NPFFR2: variants seen among roughly 807,000 people sequenced by gnomAD.
NPFFR2 encodes the protein G-protein coupled receptor 74.
A neutral mutation model predicts 13.1 loss-of-function variants in NPFFR2; 15 were observed. The ratio of observed to expected loss-of-function variants is 1.15; its 90% CI spans 0.77 to 1.76. The LOEUF (loss-of-function observed/expected upper bound fraction) is 1.76. Ranked by LOEUF, NPFFR2 falls within the 40% of genes most tolerant of loss-of-function variation. The pLI is 0.00. For missense variants in NPFFR2, 572 were observed against 503.5 expected (o/e 1.14, Z -1.30); for synonymous variants, 190 against 175.7 (o/e 1.08, Z -0.65).
chr4:72,110,524 C>A (rs191420103), intron 1 of NPFFR2, among the ~76,000 whole-genome samples: 11 of 152,050 alleles, frequency 7.2e-5, no homozygotes, highest in African/African-American at 2.4e-4. Context: ...GCTGTTTGAT[C>A]CCTATATGAA....
At chr4:72,087,685 G>C (rs1720807176) in intron 1 of NPFFR2, among the ~76,000 whole-genome samples, 1 of 152,022 alleles carries the variant, frequency 6.6e-6, no homozygotes. Flanking sequence ...AGATAAGGCT[G>C]AAGATAAAGG....
intron 1 of NPFFR2, among the ~76,000 whole-genome samples, chr4:72,105,869 C>T (rs1297001289): frequency 6.6e-6 from 1 of 151,978 alleles, no homozygotes; most frequent in African/African-American, 2.4e-5. Flanking sequence ...GGTTTATCCT[C>T]CTAATAATTA....
intron 1 of NPFFR2, among the ~76,000 whole-genome samples, chr4:72,073,483 G>A (rs1720326200): frequency 6.6e-6 from 1 of 151,868 alleles, no homozygotes; most frequent in Admixed American, 6.6e-5. Context: ...TCTCAATAAA[G>A]GTGAATACAT....
chr4:72,043,943 A>C (rs1180489975), intron 1 of NPFFR2, among the ~76,000 whole-genome samples: 1 of 152,122 alleles, frequency 6.6e-6, no homozygotes, highest in East Asian at 1.9e-4. Context: ...CTCATCTTGA[A>C]TTGTAGTTCC....
At chr4:72,117,573 C>T (rs957679669) in intron 1 of NPFFR2, among the ~76,000 whole-genome samples, 8 of 151,420 alleles carry the variant, frequency 5.3e-5, no homozygotes, top group African/African-American at 1.7e-4. Context: ...CTCATTACCA[C>T]GAAAGCTGCG....
At chr4:72,067,097 C>A (rs1264186813) in intron 1 of NPFFR2, among the ~76,000 whole-genome samples, 1 of 151,936 alleles carries the variant, frequency 6.6e-6, no homozygotes, top group Admixed American at 6.5e-5. Context: ...CCTTTGAAAT[C>A]TTGGTGGAGG....
intron 3 of NPFFR2, among the ~76,000 whole-genome samples, chr4:72,144,005 C>A (rs1034017810): frequency 1.3e-5 from 2 of 152,072 alleles, no homozygotes; most frequent in Non-Finnish European, 2.9e-5. Flanking sequence ...AATGAACCAC[C>A]CCCAAATCAA....
At chr4:72,090,575 C>G (rs935957334) in intron 1 of NPFFR2, among the ~76,000 whole-genome samples, 2 of 151,446 alleles carry the variant, frequency 1.3e-5, no homozygotes, top group Non-Finnish European at 3.0e-5. Flanking sequence ...ATTTTATTTC[C>G]TTTCTCTGCA....
intron 1 of NPFFR2, among the ~76,000 whole-genome samples, chr4:72,117,117 C>T (rs1721736622): frequency 6.6e-6 from 1 of 152,068 alleles, no homozygotes; most frequent in Non-Finnish European, 1.5e-5. Context: ...AGTTCTATGC[C>T]CTATAAAACC....
rs183076346 is a variant in NPFFR2, at chr4:72,052,594, G to T, written c.-8+20394G>T. On this transcript the variant is annotated intron_variant, in intron 1 of 3. Transcript: ENST00000308744. Reference sequence around the variant, plus strand: ...CCTTTGAAAACTGGCACAAGACAGGGATGCCTTCTCACACCACTCCTATTC... The same window carrying T: ...CCTTTGAAAACTGGCACAAGACAGGTATGCCTTCTCACACCACTCCTATTC... 2.5e-3 allele frequency among the ~76,000 whole-genome samples: 381 copies of T among 152,138 alleles called. 4 individuals carry two copies. The highest frequency in any genetic ancestry group is 6.8e-3 in the Middle Eastern group (2 of 294).
intron 1 of NPFFR2, chr4:72,039,399 G>C (rs892703924): frequency 1.9e-5 from 19 of 984,882 alleles, no homozygotes; most frequent in Non-Finnish European, 2.2e-5. Flanking sequence ...CTTCTCTTCT[G>C]CTTCCATATT....
chr4:72,066,645 AG>A (rs59206993), intron 1 of NPFFR2, among the ~76,000 whole-genome samples: 133,173 of 152,074 alleles, frequency 0.88, 59,776 homozygotes, highest in Non-Finnish European at 0.98. Context: ...CTGTTCCAAA[AG>A]GGAGAAACAG....
intron 1 of NPFFR2, among the ~76,000 whole-genome samples, chr4:72,095,377 A>G (rs942726571): frequency 1.3e-5 from 2 of 152,158 alleles, no homozygotes; most frequent in Non-Finnish European, 2.9e-5. Context: ...GAAATAGACT[A>G]CACTCAGAGG....
intron 1 of NPFFR2, among the ~76,000 whole-genome samples, chr4:72,076,515 A>G (rs1200684178): frequency 6.6e-6 from 1 of 152,200 alleles, no homozygotes; most frequent in Admixed American, 6.6e-5. Context: ...GAAAGACATC[A>G]TGATTTGATA....
Position 72,147,637 on chromosome 4 carries a change from A to T in NPFFR2, c.1088A>T (p.Tyr363Phe). The T allele has an allele frequency of 6.2e-7, 1 of 1,614,150 alleles. No individual in the cohort carries two copies. The highest frequency in any genetic ancestry group is 8.5e-7 in the Non-Finnish European group (1 of 1,180,036). The change falls in exon 4 of 4, where the codon TAT (tyrosine) becomes TTT (phenylalanine). Residue 363 changes from tyrosine to phenylalanine, a missense_variant. Tyr to Phe is a conservative substitution (Grantham distance 22). Transcript: ENST00000308744. ...AAAAGAGCAAAGCCTATGGAAGCTTATGCCCTAAAAGCTAAAAGCCATGTG... is the reference window on the plus strand; with the variant it reads ...AAAAGAGCAAAGCCTATGGAAGCTTTTGCCCTAAAAGCTAAAAGCCATGTG... ...CQKRAKPMEA[Y>F]ALKAKSHVLI...
intron 1 of NPFFR2, among the ~76,000 whole-genome samples, chr4:72,076,622 GAATA>G (rs1553890072): frequency 1.3e-5 from 2 of 152,162 alleles, no homozygotes; most frequent in Non-Finnish European, 2.9e-5. Context: ...GTGTGTGGAA[GAATA>G]AATGGTGGTT....
chr4:72,116,406 G>A (rs78618394), intron 1 of NPFFR2, among the ~76,000 whole-genome samples: 2,338 of 151,446 alleles, frequency 0.015, 66 homozygotes, highest in African/African-American at 0.053. Context: ...TGGACACTGG[G>A]GACTACTAGA....
At chr4:72,141,842 T>C (rs938892389) in intron 3 of NPFFR2, among the ~76,000 whole-genome samples, 1 of 152,198 alleles carries the variant, frequency 6.6e-6, no homozygotes, top group African/African-American at 2.4e-5. Flanking sequence ...TTGATCTGTC[T>C]AATATTGACA....
chr4:72,119,929 G>A (rs1054401235), intron 1 of NPFFR2, among the ~76,000 whole-genome samples: 2 of 152,128 alleles, frequency 1.3e-5, no homozygotes, highest in Non-Finnish European at 2.9e-5. Flanking sequence ...GAGTGAGACA[G>A]AACCCTTCAA....
Sources: gnomAD v4.1 joint callset for allele counts (sites outside exome capture counted in the v4.1 genomes callset) on GRCh38, gnomAD v4.1.1 for gene constraint, MANE v1.5 for transcripts, NCBI Gene and HGNC (gene_info 2026-07-23, HGNC 2026-07-21) for gene names.